TCF20: variants seen among roughly 807,000 people sequenced by gnomAD.
TCF20 encodes transcription factor 20, also known as SPRE-binding protein.
In TCF20, 3 loss-of-function variants were observed where a neutral mutation model predicts 148.6. The observed-to-expected ratio is 0.02, with a 90% confidence interval of 0.01 to 0.05. The LOEUF (loss-of-function observed/expected upper bound fraction) is 0.05. TCF20 is among the 10% of genes least tolerant of loss of function. TCF20 has a pLI of 1.00. For synonymous variants in TCF20, 1,049 were observed against 909.5 expected, an observed-to-expected ratio of 1.15 and a Z score of -2.76; for missense variants, 2,350 against 2,429.3, an observed-to-expected ratio of 0.97 and a Z score of 0.69.
chr22:42,199,805 G>A (rs1333905214), intron 2 of TCF20, among the ~76,000 whole-genome samples: 10 of 143,212 alleles, frequency 7.0e-5, no homozygotes, highest in East Asian at 2.0e-4. Flanking sequence ...AGCTGGGATC[G>A]CACCACTGCA....
intron 2 of TCF20, among the ~76,000 whole-genome samples, chr22:42,181,252 T>C (rs975947063): frequency 1.3e-5 from 2 of 152,266 alleles, no homozygotes; most frequent in African/African-American, 2.4e-5. Context: ...AGCGCAATCT[T>C]GGCTCACTGC....
At chr22:42,181,815 T>C (rs1045220697) in intron 2 of TCF20, among the ~76,000 whole-genome samples, 1 of 152,148 alleles carries the variant, frequency 6.6e-6, no homozygotes, top group Non-Finnish European at 1.5e-5. Context: ...TCTCACTATG[T>C]TGCCCAGGCT....
At chr22:42,265,045 A>C (rs1926209918) in intron 1 of TCF20, among the ~76,000 whole-genome samples, 1 of 152,368 alleles carries the variant, frequency 6.6e-6, no homozygotes, top group South Asian at 2.1e-4. Flanking sequence ...GAAACACCAG[A>C]TAATAAGCCA....
intron 1 of TCF20, among the ~76,000 whole-genome samples, chr22:42,246,131 A>T (rs1924883585): frequency 6.6e-6 from 1 of 151,952 alleles, no homozygotes; most frequent in African/African-American, 2.4e-5. Context: ...TCTGAGATGG[A>T]GTCTCACTCT....
At chr22:42,199,706 C>CAAAAAAAA (rs59845847) in intron 2 of TCF20, among the ~76,000 whole-genome samples, 12 of 33,866 alleles carry the variant, frequency 3.5e-4, no homozygotes, top group Non-Finnish European at 4.6e-4. Context: ...CCCATCTCTA[C>CAAAAAAAA]AAAAAAAAAA....
Position 42,296,448 on chromosome 22 carries a change from A to G in TCF20, c.-37+47031T>C, listed in dbSNP as rs150957122. On this transcript the variant is annotated intron_variant, in intron 1 of 1. Transcript: ENST00000515426. Reference sequence around the variant, plus strand: ...CCAGTGCAGCTGTGCCCGGCTCCCCAAGGGCCATGAGGGGCAGTTGGAGGC... The same window carrying G: ...CCAGTGCAGCTGTGCCCGGCTCCCCGAGGGCCATGAGGGGCAGTTGGAGGC... Among the ~76,000 whole-genome samples, 591 of 152,320 alleles carry G rather than the reference A, an allele frequency of 3.9e-3. 5 individuals are homozygous for G. Among genetic ancestry groups the G allele is most frequent in the African/African-American group, 0.014 (562 of 41,554 alleles).
chr22:42,267,828 A>C (rs1051576029), intron 1 of TCF20, among the ~76,000 whole-genome samples: 1 of 152,198 alleles, frequency 6.6e-6, no homozygotes, highest in Admixed American at 6.5e-5. Context: ...ATCCTTTTGG[A>C]AACTGTTCAA....
rs558950523 is a variant in TCF20, at chr22:42,215,224, C to T, written c.82G>A (p.Glu28Lys). The T allele has an allele frequency of 1.2e-6, 2 of 1,614,220 alleles. No homozygotes were observed. The highest frequency in any genetic ancestry group is 2.7e-5 in the African/African-American group (2 of 75,050). Residue 28 changes from glutamate (E) to lysine (K), a missense_variant, in exon 2 of 6, where the codon GAA (glutamate) becomes AAA (lysine). Glu to Lys is a moderately conservative substitution (Grantham distance 56, BLOSUM62 1). This residue lies in a region of TCF20 where 1,641 missense variants were observed against 1,662.6 expected (regional missense o/e 0.99). Transcript: ENST00000677622. ...PQEVHGSSRL[E>K]EFSPRQAQMF... ...TGGGCCTGACGAGGGCTGAACTCTT[C>T]TAGCCGGGATGAGCCGTGTACCTCC...
rs1298858677 is a variant in TCF20, at chr22:42,187,654, A to G, written c.5656-7952T>C. 6.6e-5 allele frequency among the ~76,000 whole-genome samples: 10 copies of G among 152,204 alleles called. No individual in the cohort carries two copies. In the South Asian group the frequency reaches 1.4e-3, roughly 22 times the overall value. ...TTTCCCTTCCGATGTCTTTGTGCCC[A>G]TAAGGTGGGACCAGCCTGTCTGCAG... is the stretch of plus-strand genomic sequence containing the variant. On this transcript the variant is annotated intron_variant, in intron 2 of 5. Transcript: ENST00000677622.
intron 2 of TCF20, among the ~76,000 whole-genome samples, chr22:42,205,057 G>A (rs1044697487): frequency 2.0e-5 from 3 of 152,190 alleles, no homozygotes; most frequent in Non-Finnish European, 2.9e-5. Context: ...TCTACCTTCT[G>A]TCACATCCCT....
intron 1 of TCF20, among the ~76,000 whole-genome samples, chr22:42,282,409 C>G (rs1306985888): frequency 3.9e-5 from 6 of 152,240 alleles, no homozygotes; most frequent in Non-Finnish European, 7.3e-5. Flanking sequence ...GCTCCCTTGC[C>G]CTCATGGGCC....
Position 42,214,142 on chromosome 22 carries a change from A to G in TCF20, c.1164T>C (p.Pro388=). 6.2e-7 allele frequency: 1 copy of G among 1,614,152 alleles called. No individual in the cohort carries two copies. The highest frequency in any genetic ancestry group is 8.5e-7 in the Non-Finnish European group (1 of 1,180,028). ...GGAGATTCTCCCCAGTCTGCATGAG[A>G]GGAGATGGGGTAGAACTACAGCTTG... ...QSPSCSSTPS[P]LMQTGENLQC... is the part of the protein sequence containing the mutation. Residue 388 remains proline (P), a synonymous_variant, in exon 2 of 6, where the codon CCT becomes CCC. Transcript: ENST00000677622.
At chr22:42,227,025 G>A (rs1298291170) in intron 1 of TCF20, among the ~76,000 whole-genome samples, 1 of 152,200 alleles carries the variant, frequency 6.6e-6, no homozygotes, top group African/African-American at 2.4e-5. Flanking sequence ...GCTCACGCCT[G>A]TAATCCCAGC....
intron 2 of TCF20, among the ~76,000 whole-genome samples, chr22:42,203,896 C>T (rs1289980440): frequency 6.6e-6 from 1 of 152,096 alleles, no homozygotes; most frequent in East Asian, 1.9e-4. Context: ...TTGAAGGGAG[C>T]CTTCACCAGG....
At chr22:42,294,856 C>T (rs911292788) in intron 1 of TCF20, among the ~76,000 whole-genome samples, 8 of 152,190 alleles carry the variant, frequency 5.3e-5, no homozygotes, top group East Asian at 1.9e-4. Flanking sequence ...GAATACACAC[C>T]GGTGCTGTGG....
At chr22:42,177,638 T>C (rs756724231) in intron 3 of TCF20, among the ~76,000 whole-genome samples, 1 of 152,182 alleles carries the variant, frequency 6.6e-6, no homozygotes, top group African/African-American at 2.4e-5. Context: ...GTTAACACAC[T>C]GCAAAACATC....
At chr22:42,268,980 C>T (rs1223374221) in intron 1 of TCF20, among the ~76,000 whole-genome samples, 2 of 152,162 alleles carry the variant, frequency 1.3e-5, no homozygotes, top group Admixed American at 1.3e-4. Flanking sequence ...AAAGCAAAAC[C>T]ACAAACCCCT....
intron 3 of TCF20, among the ~76,000 whole-genome samples, chr22:42,176,544 T>G (rs535125423): frequency 5.9e-5 from 9 of 152,288 alleles, no homozygotes; most frequent in South Asian, 2.1e-4. Context: ...GCTGCCTCCG[T>G]GGACAGCCCT....
intron 1 of TCF20, among the ~76,000 whole-genome samples, chr22:42,230,054 CCT>C (rs1703847315): frequency 6.6e-6 from 1 of 152,196 alleles, no homozygotes; most frequent in African/African-American, 2.4e-5. Context: ...TAATTCACCC[CCT>C]ATTTTAAAAC....
Sources: gnomAD v4.1 joint callset for allele counts (sites outside exome capture counted in the v4.1 genomes callset) on GRCh38, gnomAD v4.1.1 for gene constraint, gnomAD v4.1.1 regional missense constraint, MANE v1.5 for transcripts, NCBI Gene and HGNC (gene_info 2026-07-23, HGNC 2026-07-21) for gene names.